Variants in MACROD2 observed in about 807,000 individuals in gnomAD.
MACROD2 encodes the protein mono-ADP ribosylhydrolase 2.
MACROD2 carries 36 observed loss-of-function variants against 70.4 expected under a neutral mutation model. That is an observed-to-expected ratio of 0.51 (90% CI 0.39 to 0.68). MACROD2 has a LOEUF of 0.68. MACROD2 is among the 30% of genes least tolerant of loss of function. The pLI, the probability that MACROD2 is intolerant of heterozygous loss-of-function variation, is 0.00. For missense variants in MACROD2, 496 were observed against 538.4 expected (o/e 0.92, Z 0.78); for synonymous variants, 172 against 178.8 (o/e 0.96, Z 0.30).
intron 10 of MACROD2, among the ~76,000 whole-genome samples, chr20:15,915,696 G>A (rs2065304473): frequency 6.6e-6 from 1 of 152,152 alleles, no homozygotes. Flanking sequence ...AGGGAGGCAG[G>A]TTGGGATGCT....
chr20:14,523,183 C>T (rs1355693456), intron 4 of MACROD2, among the ~76,000 whole-genome samples: 2 of 152,256 alleles, frequency 1.3e-5, no homozygotes, highest in African/African-American at 4.8e-5. Flanking sequence ...AGTTACAACT[C>T]CTTCTACTCT....
intron 3 of MACROD2, among the ~76,000 whole-genome samples, chr20:14,201,608 G>A (rs1466463164): frequency 4.6e-5 from 7 of 152,006 alleles, no homozygotes; most frequent in East Asian, 3.9e-4. Context: ...TTGGGAGGCC[G>A]AGGTGGGTGG....
intron 7 of MACROD2, among the ~76,000 whole-genome samples, chr20:15,468,798 T>C (rs1036793183): frequency 6.6e-6 from 1 of 152,150 alleles, no homozygotes; most frequent in Admixed American, 6.5e-5. Context: ...AATCTCAATC[T>C]CCATGCAAAG....
chr20:15,884,439 G>C (rs1045103659), intron 9 of MACROD2, among the ~76,000 whole-genome samples: 3 of 152,058 alleles, frequency 2.0e-5, no homozygotes, highest in African/African-American at 7.2e-5. Context: ...TGAGAAAAGT[G>C]TTTGGAACCA....
intron 3 of MACROD2, among the ~76,000 whole-genome samples, chr20:14,211,312 C>T (rs1037153725): frequency 1.2e-4 from 19 of 152,116 alleles, no homozygotes; most frequent in African/African-American, 4.3e-4. Context: ...GAGATAATAA[C>T]TATATTCAAA....
At chr20:15,678,371 T>G (rs544392079) in intron 8 of MACROD2, among the ~76,000 whole-genome samples, 5 of 151,662 alleles carry the variant, frequency 3.3e-5, no homozygotes, top group Non-Finnish European at 5.9e-5. Flanking sequence ...ATCTTTTTTT[T>G]TTTTTTGAGA....
chr20:14,893,578 T>C (rs1271806045), intron 5 of MACROD2: 1 of 152,110 alleles, frequency 6.6e-6, no homozygotes, highest in Non-Finnish European at 1.5e-5. Context: ...ATATATTTTG[T>C]CCTTGCTTAT....
intron 6 of MACROD2, among the ~76,000 whole-genome samples, chr20:15,425,470 A>T (rs527327648): frequency 6.6e-6 from 1 of 152,222 alleles, no homozygotes; most frequent in Non-Finnish European, 1.5e-5. Flanking sequence ...GTGAAATGTG[A>T]TATATAATGA....
chr20:15,585,176 G>T, intron 8 of MACROD2, among the ~76,000 whole-genome samples: 1 of 151,748 alleles, frequency 6.6e-6, no homozygotes, highest in South Asian at 2.1e-4. Flanking sequence ...TGTGCTGGAG[G>T]GTTCTTTTTT....
intron 5 of MACROD2, among the ~76,000 whole-genome samples, chr20:14,841,396 C>T (rs974695383): frequency 2.0e-5 from 3 of 152,148 alleles, no homozygotes; most frequent in Non-Finnish European, 4.4e-5. Context: ...CAAGGGGAAA[C>T]CCCACCGTCT....
At chr20:15,128,909 T>C (rs2076085504) in intron 5 of MACROD2, among the ~76,000 whole-genome samples, 1 of 151,962 alleles carries the variant, frequency 6.6e-6, no homozygotes, top group Admixed American at 6.6e-5. Context: ...CAGAGAGGAT[T>C]ACAAAATAAA....
chr20:14,753,202 T>C (rs761820850), intron 5 of MACROD2, among the ~76,000 whole-genome samples: 1 of 152,128 alleles, frequency 6.6e-6, no homozygotes, highest in Non-Finnish European at 1.5e-5. Context: ...CACATGCCTC[T>C]ACTATACACC....
chr20:15,107,800 TAG>T (rs2075922770), intron 5 of MACROD2, among the ~76,000 whole-genome samples: 1 of 152,106 alleles, frequency 6.6e-6, no homozygotes, highest in South Asian at 2.1e-4. Context: ...TTTAATGTGA[TAG>T]AATGTGGGAT....
chr20:14,018,130 C>T (rs2053019516), intron 2 of MACROD2, among the ~76,000 whole-genome samples: 1 of 152,028 alleles, frequency 6.6e-6, no homozygotes. Context: ...ATAGTAATGT[C>T]CTCACTTTAA....
chr20:16,036,406 A>G (rs918420981), intron 15 of MACROD2, among the ~76,000 whole-genome samples: 8 of 151,932 alleles, frequency 5.3e-5, no homozygotes, highest in African/African-American at 1.9e-4. Flanking sequence ...ATGTAACTCC[A>G]CTAACCTAGA....
chr20:15,537,661 A>G (rs1433352819), intron 8 of MACROD2, among the ~76,000 whole-genome samples: 1 of 151,978 alleles, frequency 6.6e-6, no homozygotes, highest in South Asian at 2.1e-4. Context: ...TTTAATAGAG[A>G]CAGGGTTTCA....
chr20:15,206,886 G>A (rs1177635468), intron 5 of MACROD2, among the ~76,000 whole-genome samples: 2 of 150,860 alleles, frequency 1.3e-5, no homozygotes, highest in East Asian at 1.9e-4. Flanking sequence ...ACAGGCGCCC[G>A]CCACCGCGCC....
At chr20:15,072,125 T>C (rs1333783833) in intron 5 of MACROD2, among the ~76,000 whole-genome samples, 1 of 152,198 alleles carries the variant, frequency 6.6e-6, no homozygotes, top group Non-Finnish European at 1.5e-5. Flanking sequence ...TCTACATACA[T>C]GTTAAATGGA....
At chr20:14,300,409 T>C (rs1228078857) in intron 3 of MACROD2, among the ~76,000 whole-genome samples, 1 of 152,224 alleles carries the variant, frequency 6.6e-6, no homozygotes, top group Non-Finnish European at 1.5e-5. Flanking sequence ...TGGGATACTT[T>C]ATAATGCTTT....
Sources: allele counts gnomAD v4.1 joint callset (sites outside exome capture counted in the v4.1 genomes callset), GRCh38; gene constraint gnomAD v4.1.1; transcripts MANE v1.5; gene names NCBI Gene and HGNC (gene_info 2026-07-23, HGNC 2026-07-21).